RNF180: variants seen among roughly 807,000 people sequenced by gnomAD.
RNF180 encodes the protein E3 ubiquitin-protein ligase RNF180.
A neutral mutation model predicts 59.2 loss-of-function variants in RNF180; 38 were observed. The ratio of observed to expected loss-of-function variants is 0.64; its 90% CI spans 0.50 to 0.84. RNF180 has a LOEUF of 0.84. Among genes scored for constraint, RNF180 ranks in the 40% least tolerant of loss-of-function variants. The pLI is 0.00. For synonymous variants in RNF180, 262 were observed against 240.3 expected (o/e 1.09, Z -0.84); for missense variants, 705 against 700.9 (o/e 1.01, Z -0.07).
At chr5:64,321,684 C>CA (rs1399092173) in intron 5 of RNF180, among the ~76,000 whole-genome samples, 4 of 151,852 alleles carry the variant, frequency 2.6e-5, no homozygotes, top group African/African-American at 4.8e-5. Context: ...CATAAGGAAC[C>CA]AAAAAAGGGC....
At chr5:64,239,472 C>G (rs1742664645) in intron 5 of RNF180, among the ~76,000 whole-genome samples, 1 of 152,048 alleles carries the variant, frequency 6.6e-6, no homozygotes, top group South Asian at 2.1e-4. Flanking sequence ...TTTGGAAGAG[C>G]TTGCTTTTTA....
At chr5:64,368,468 G>A (rs1746532380) in intron 7 of RNF180, among the ~76,000 whole-genome samples, 1 of 151,750 alleles carries the variant, frequency 6.6e-6, no homozygotes. Flanking sequence ...ACTTGCCCCA[G>A]CCAAGTGGCA....
chr5:64,322,749 C>G (rs1323565824), intron 5 of RNF180, among the ~76,000 whole-genome samples: 4 of 151,894 alleles, frequency 2.6e-5, no homozygotes, highest in Non-Finnish European at 5.9e-5. Context: ...AATGGAAAAC[C>G]AAACATTGTA....
At chr5:64,216,238 A>G (rs1561196173) in intron 4 of RNF180, among the ~76,000 whole-genome samples, 3 of 152,292 alleles carry the variant, frequency 2.0e-5, no homozygotes, top group South Asian at 4.1e-4. Flanking sequence ...ATAAGTATAC[A>G]TCGCAGTTAG....
At chr5:64,363,041 T>G (rs1746318644) in intron 7 of RNF180, among the ~76,000 whole-genome samples, 1 of 151,466 alleles carries the variant, frequency 6.6e-6, no homozygotes. Flanking sequence ...ATTCTGTAGG[T>G]TGTCTTTTTA....
At chr5:64,363,665 C>A (rs7732201) in intron 7 of RNF180, among the ~76,000 whole-genome samples, 68,065 of 151,566 alleles carry the variant, frequency 0.45, 16,684 homozygotes, top group African/African-American at 0.65. Flanking sequence ...TGAATCTGTA[C>A]ATTGCTTTGG....
intron 7 of RNF180, among the ~76,000 whole-genome samples, chr5:64,368,903 G>A (rs1160029861): frequency 6.6e-6 from 1 of 152,016 alleles, no homozygotes. Flanking sequence ...TCAGTGTGGC[G>A]AGTCCTCAGG....
intron 1 of RNF180, among the ~76,000 whole-genome samples, chr5:64,185,823 G>A (rs1279099510): frequency 6.6e-6 from 1 of 152,120 alleles, no homozygotes; most frequent in Non-Finnish European, 1.5e-5. Flanking sequence ...TGTGTTATCT[G>A]GTGATGCAAA....
intron 5 of RNF180, among the ~76,000 whole-genome samples, chr5:64,310,383 G>A (rs1009630613): frequency 6.6e-6 from 1 of 151,650 alleles, no homozygotes; most frequent in Admixed American, 6.6e-5. Flanking sequence ...TGTTATTGTA[G>A]ATGACATTTT....
chr5:64,213,965 G>T lies in RNF180; in HGVS notation c.639G>T (p.Gln213His). 6.2e-7 allele frequency: 1 copy of T among 1,614,070 alleles called. No individual in the cohort carries two copies. Among genetic ancestry groups the T allele is most frequent in the Non-Finnish European group, 8.5e-7 (1 of 1,179,996 alleles). Reference sequence around the variant, plus strand: ...CAAAATACCAGCTTTTTGTTCCCCAGCTTGTGACTGGCAGATGCGCTACAA... The same window carrying T: ...CAAAATACCAGCTTTTTGTTCCCCATCTTGTGACTGGCAGATGCGCTACAA... ...SEPKYQLFVPQLVTGRCATRA... is the reference protein window; with the variant it reads ...SEPKYQLFVPHLVTGRCATRA... The change falls in exon 4 of 8, where the codon CAG becomes CAT. Residue 213 changes from glutamine (Q) to histidine (H), a missense_variant. Physicochemically the swap from Gln to His is conservative, Grantham distance 24 (BLOSUM62 0). Coordinates refer to ENST00000389100, the MANE Select transcript of RNF180 (RefSeq NM_001113561.2).
At chr5:64,326,710 C>T (rs554588123) in intron 6 of RNF180, among the ~76,000 whole-genome samples, 3 of 152,110 alleles carry the variant, frequency 2.0e-5, no homozygotes, top group East Asian at 1.9e-4. Context: ...TGTTGGATTC[C>T]GTTTGCTAGT....
At chr5:64,347,339 A>G (rs570918601) in intron 7 of RNF180, among the ~76,000 whole-genome samples, 1 of 152,320 alleles carries the variant, frequency 6.6e-6, no homozygotes, top group South Asian at 2.1e-4. Context: ...AAACAAGAGG[A>G]GTGGTTTAAA....
At chr5:64,335,206 GTTGT>G (rs370414122) in intron 7 of RNF180, among the ~76,000 whole-genome samples, 1 of 152,018 alleles carries the variant, frequency 6.6e-6, no homozygotes, top group African/African-American at 2.4e-5. Context: ...GTATTTTTTT[GTTGT>G]TTAAGAATGT....
chr5:64,359,418 C>G (rs1441876000), intron 7 of RNF180, among the ~76,000 whole-genome samples: 3 of 152,066 alleles, frequency 2.0e-5, no homozygotes, highest in African/African-American at 7.2e-5. Flanking sequence ...TGTTTTTTGG[C>G]TGCATAAATG....
intron 7 of RNF180, among the ~76,000 whole-genome samples, chr5:64,339,988 T>C (rs547044491): frequency 2.4e-4 from 36 of 152,316 alleles, no homozygotes; most frequent in African/African-American, 7.2e-4. Context: ...ACTAGTTGCA[T>C]GGATGACTCT....
chr5:64,166,442 G>A (rs1287461080), intron 1 of RNF180, among the ~76,000 whole-genome samples: 1 of 152,220 alleles, frequency 6.6e-6, no homozygotes, highest in East Asian at 1.9e-4. Context: ...GCCCATTTCA[G>A]TATCGGCGTC....
At chr5:64,349,157 C>T (rs926481989) in intron 7 of RNF180, among the ~76,000 whole-genome samples, 1 of 151,988 alleles carries the variant, frequency 6.6e-6, no homozygotes, top group African/African-American at 2.4e-5. Context: ...AGAAGTAAAT[C>T]CTCCCATTTC....
chr5:64,190,389 G>A (rs899227147), intron 1 of RNF180, among the ~76,000 whole-genome samples: 2 of 152,142 alleles, frequency 1.3e-5, no homozygotes, highest in African/African-American at 4.8e-5. Flanking sequence ...AGCTGGAGAG[G>A]AATTTTGCCT....
intron 7 of RNF180, among the ~76,000 whole-genome samples, chr5:64,352,272 A>G (rs1293341063): frequency 1.3e-5 from 2 of 151,372 alleles, no homozygotes; most frequent in African/African-American, 4.9e-5. Flanking sequence ...TTTTTATTGC[A>G]TCTATTTGAT....
Sources: gnomAD v4.1 joint callset for allele counts (sites outside exome capture counted in the v4.1 genomes callset) on GRCh38, gnomAD v4.1.1 for gene constraint, MANE v1.5 for transcripts, NCBI Gene and HGNC (gene_info 2026-07-23, HGNC 2026-07-21) for gene names.